Variants in TRERF1 observed in about 807,000 individuals in gnomAD.
TRERF1 encodes the protein transcriptional-regulating factor 1.
In TRERF1, 27 loss-of-function variants were observed where a neutral mutation model predicts 122.9. That is an observed-to-expected ratio of 0.22 (90% CI 0.16 to 0.30). The LOEUF (loss-of-function observed/expected upper bound fraction) is 0.30. Ranked by LOEUF, TRERF1 falls within the 10% of genes least tolerant of loss-of-function variation. TRERF1 has a pLI of 1.00. For missense variants in TRERF1, 1,248 were observed against 1,560.3 expected (o/e 0.80, Z 3.37); for synonymous variants, 636 against 641.7 (o/e 0.99, Z 0.13).
chr6:42,242,093 TCAAA>T (rs1213183751), intron 15 of TRERF1, among the ~76,000 whole-genome samples: 3 of 152,176 alleles, frequency 2.0e-5, no homozygotes, highest in African/African-American at 7.2e-5. Context: ...AGACCCTGTC[TCAAA>T]CAAACAAAAG....
At chr6:42,417,102 TCA>T (rs1251890066) in intron 2 of TRERF1, among the ~76,000 whole-genome samples, 1 of 151,880 alleles carries the variant, frequency 6.6e-6, no homozygotes, top group African/African-American at 2.4e-5. Context: ...ACCAACAGAC[TCA>T]CAAAAAAAGA....
Position 42,228,730 on chromosome 6 carries a change from C to T in TRERF1, c.3279-61G>A, listed in dbSNP as rs552135778. The T allele has an allele frequency of 1.4e-5, 21 of 1,507,046 alleles. No homozygotes were observed. In the Admixed American group the frequency reaches 4.2e-4, roughly 30 times the overall value. The allele number at this position is 1,507,046 out of a possible 1,614,324, so 93.4% of individuals were successfully genotyped here. Reference sequence around the variant, plus strand: ...AAGGAGATCTGAGTTCTTGGAAATCCAGGTGTCCTACGGGGAATGGGGGTG... The same window carrying T: ...AAGGAGATCTGAGTTCTTGGAAATCTAGGTGTCCTACGGGGAATGGGGGTG... On this transcript the variant is annotated intron_variant, in intron 17 of 17. Coordinates refer to ENST00000372922, the Ensembl canonical transcript of TRERF1. The surrounding 1 kb of genome is among the most constrained non-coding windows in gnomAD (Gnocchi z 4.2).
At position 42,373,860 on chromosome 6, in the gene TRERF1, C is replaced by T. The variant is rs920366760; in HGVS notation, c.-453-10781G>A. The stretch of plus-strand genomic sequence containing the variant: ...AAGAAAGAAAAGAAAAAAGGCCGGG[C>T]GTGGTGGCTCACGTCTGTAATCCCA... On this transcript the variant is annotated intron_variant, in intron 2 of 17. Transcript: ENST00000372922. Among the ~76,000 whole-genome samples the T allele has an allele frequency of 4.0e-5, 6 of 149,984 alleles. No individual in the cohort carries two copies. The South Asian group carries it at 8.4e-4, about 21-fold the overall frequency.
At chr6:42,254,213 T>A (rs951786684) in intron 13 of TRERF1, among the ~76,000 whole-genome samples, 11 of 152,240 alleles carry the variant, frequency 7.2e-5, no homozygotes, top group Admixed American at 7.2e-4. Flanking sequence ...TGATCCATTA[T>A]TTAATAACTG....
Position 42,259,265 on chromosome 6 carries a change from G to A in TRERF1, c.2269+74C>T. ...AAAAGTCTGTGGGATAAATGAGAAA[G>A]CTAAAGAAAACGAGATGTCCCAGGA... On this transcript the variant is annotated intron_variant, in intron 9 of 17. Coordinates refer to ENST00000372922, the Ensembl canonical transcript of TRERF1. This position sits in a 1 kb window ranked among gnomAD's most constrained non-coding sequence, Gnocchi z 4.9. 6.9e-7 allele frequency: 1 copy of A among 1,445,402 alleles called. No homozygotes were observed. The highest frequency in any genetic ancestry group is 1.5e-5 in the South Asian group (1 of 67,706). 89.5% of individuals were successfully genotyped at this position (1,445,402 alleles called of 1,614,324 possible).
intron 2 of TRERF1, among the ~76,000 whole-genome samples, chr6:42,370,754 A>G (rs1167850247): frequency 6.6e-6 from 1 of 152,146 alleles, no homozygotes; most frequent in African/African-American, 2.4e-5. Context: ...TGGCCCTGCC[A>G]GCCCCCAAGA....
At position 42,226,580 on chromosome 6, in the gene TRERF1, A is replaced by C. The variant is rs1404778217; in HGVS notation, c.*1765T>G. The stretch of plus-strand genomic sequence containing the variant: ...TAAACAAAAGATGTAGGAAAACGCC[A>C]AGACCTCTTTGAAAATAGAATGATG... On this transcript the variant is annotated 3_prime_UTR_variant, in exon 18 of 18. Transcript: ENST00000372922. The C allele has an allele frequency of 2.0e-5, 3 of 152,230 alleles. No homozygotes were observed. In the East Asian group the frequency reaches 5.8e-4, roughly 29 times the overall value. 9.4% of individuals were successfully genotyped at this position (152,230 alleles called of 1,614,324 possible).
chr6:42,446,973 C>T (rs2151827243), intron 2 of TRERF1, among the ~76,000 whole-genome samples: 1 of 152,246 alleles, frequency 6.6e-6, no homozygotes, highest in South Asian at 2.1e-4. Context: ...CCACAGCACT[C>T]CAGCCTGAGT....
intron 2 of TRERF1, among the ~76,000 whole-genome samples, chr6:42,364,296 C>CT (rs762900137): frequency 3.9e-5 from 6 of 152,224 alleles, no homozygotes; most frequent in Non-Finnish European, 2.9e-5. Context: ...CTCTCACGTC[C>CT]TTTGCAGTGA....
At chr6:42,371,693 G>A (rs1370926903) in intron 2 of TRERF1, among the ~76,000 whole-genome samples, 7 of 149,880 alleles carry the variant, frequency 4.7e-5, no homozygotes, top group Admixed American at 4.6e-4. Flanking sequence ...GAGGCCTTCT[G>A]GGGAACCCTA....
In TRERF1 at chr6:42,375,966, TCTC is replaced by T. The variant is rs373416720; in HGVS notation, c.-453-12890_-453-12888del. Among the ~76,000 whole-genome samples the T allele has an allele frequency of 2.5e-3, 373 of 152,224 alleles. 2 individuals are homozygous for T. Among genetic ancestry groups the T allele is most frequent in the Non-Finnish European group, 1.1e-3 (74 of 68,016 alleles). On this transcript the variant is annotated intron_variant, in intron 2 of 17. Transcript: ENST00000372922. Reference sequence around the variant, plus strand: ...AGAAATGAAACCCGATTAGAAGCTGTCTCCTCCTGGCAGCCTCACAAGTCACAA... The same window carrying T: ...AGAAATGAAACCCGATTAGAAGCTGTCTCCTGGCAGCCTCACAAGTCACAA...
chr6:42,225,307 C>T (rs1188789154), exon 18 of TRERF1: 2 of 148,940 alleles, frequency 1.3e-5, no homozygotes, highest in African/African-American at 5.0e-5. Flanking sequence ...ACTTTGCTTT[C>T]AAGCTTCAAA....
At chr6:42,285,382 G>C (rs1783014501) in intron 4 of TRERF1, among the ~76,000 whole-genome samples, 1 of 152,120 alleles carries the variant, frequency 6.6e-6, no homozygotes, top group African/African-American at 2.4e-5. Flanking sequence ...GAGTTTTTGG[G>C]CTGAGACAAT....
exon 18 of TRERF1, chr6:42,226,637 G>C (rs1202695116): frequency 6.6e-6 from 1 of 152,164 alleles, no homozygotes; most frequent in Non-Finnish European, 1.5e-5. Flanking sequence ...TCTGTCCATG[G>C]CTTTCCTGAA....
At chr6:42,304,313 A>G (rs1183573258) in intron 3 of TRERF1, among the ~76,000 whole-genome samples, 2 of 152,240 alleles carry the variant, frequency 1.3e-5, no homozygotes, top group African/African-American at 4.8e-5. Flanking sequence ...CACTAGCCGT[A>G]TGGCCTTGTC....
chr6:42,283,582 A>AG (rs1342165760), intron 4 of TRERF1, among the ~76,000 whole-genome samples: 1 of 151,900 alleles, frequency 6.6e-6, no homozygotes, highest in African/African-American at 2.4e-5. Context: ...TTACAAAAAA[A>AG]ACCCAGATAG....
chr6:42,397,904 T>C (rs979543904), intron 2 of TRERF1, among the ~76,000 whole-genome samples: 3 of 152,128 alleles, frequency 2.0e-5, no homozygotes, highest in East Asian at 1.9e-4. Context: ...ATGGCCAAAA[T>C]AGAATATTCC....
At chr6:42,408,291 GTGTA>G (rs1397659932) in intron 2 of TRERF1, among the ~76,000 whole-genome samples, 1 of 113,304 alleles carries the variant, frequency 8.8e-6, no homozygotes, top group Non-Finnish European at 1.8e-5. Flanking sequence ...ACACATGTGT[GTGTA>G]TGTATATATA....
chr6:42,242,029 A>T (rs1323195135), intron 15 of TRERF1, among the ~76,000 whole-genome samples: 1 of 152,160 alleles, frequency 6.6e-6, no homozygotes, highest in Non-Finnish European at 1.5e-5. Flanking sequence ...CAAGAAGTTG[A>T]GGCTGTAGTG....
Sources: allele counts gnomAD v4.1 joint callset (sites outside exome capture counted in the v4.1 genomes callset), GRCh38; gene constraint gnomAD v4.1.1; non-coding constraint Gnocchi (gnomAD v3.1); transcripts MANE v1.5; gene names NCBI Gene and HGNC (gene_info 2026-07-23, HGNC 2026-07-21).